Variants in DNAH10 observed in about 807,000 individuals in gnomAD.
DNAH10 encodes the protein axonemal beta dynein heavy chain 10.
Under a neutral mutation model 506.6 loss-of-function variants are expected in DNAH10, and 348 were observed. The observed-to-expected ratio is 0.69, with a 90% CI of 0.63 to 0.75. The LOEUF (loss-of-function observed/expected upper bound fraction) is 0.75, where lower values mean the gene tolerates loss of function less well. DNAH10 is among the 30% of genes least tolerant of loss of function. DNAH10 has a pLI of 0.00. For synonymous variants in DNAH10, 2,059 were observed against 2,198.6 expected (o/e 0.94, Z 1.78); for missense variants, 5,179 against 5,787.1 (o/e 0.89, Z 3.41).
chr12:123,826,309 A>G (rs2136459084), intron 24 of DNAH10, among the ~76,000 whole-genome samples: 1 of 152,290 alleles, frequency 6.6e-6, no homozygotes, highest in African/African-American at 2.4e-5. Flanking sequence ...AGCTGCTTTC[A>G]TCAGGGAAAA....
intron 21 of DNAH10, among the ~76,000 whole-genome samples, chr12:123,817,249 T>C (rs1959168956): frequency 6.6e-6 from 1 of 151,830 alleles, no homozygotes; most frequent in South Asian, 2.1e-4. Context: ...ACATTCAAAA[T>C]CTGCAGGCTG....
intron 50 of DNAH10, 106 bp downstream of exon 50, chr12:123,879,907 T>G: frequency 1.5e-6 from 2 of 1,293,522 alleles, no homozygotes; most frequent in Non-Finnish European, 2.1e-6. Context: ...CCTGGGGCTC[T>G]GTCTGAGGGC....
At position 123,845,875 on chromosome 12, in the gene DNAH10, C is replaced by T; in HGVS notation, c.5630+6C>T. The T allele has an allele frequency of 6.2e-7, 1 of 1,613,390 alleles. No homozygotes were observed. Among genetic ancestry groups the T allele is most frequent in the Non-Finnish European group, 8.5e-7 (1 of 1,179,332 alleles). Reference sequence around the variant, plus strand: ...GATTCTTTCATAAGAGGCAGGTGAGCATTTTCCGGGGTCACTGGCATTTCA... The same window carrying T: ...GATTCTTTCATAAGAGGCAGGTGAGTATTTTCCGGGGTCACTGGCATTTCA... On this transcript the variant is annotated splice_donor_region_variant and intron_variant, in intron 31 of 78. Coordinates refer to ENST00000673944, the MANE Select transcript of DNAH10 (RefSeq NM_001372106.1).
intron 29 of DNAH10, among the ~76,000 whole-genome samples, chr12:123,838,906 C>T (rs142411680): frequency 0.012 from 1,847 of 152,226 alleles, 42 homozygotes; most frequent in African/African-American, 0.043. Context: ...TCCACCTCCC[C>T]GACTCAAGTG....
chr12:123,767,905 A>G (rs1165027629), intron 2 of DNAH10, among the ~76,000 whole-genome samples: 1 of 152,184 alleles, frequency 6.6e-6, no homozygotes, highest in Non-Finnish European at 1.5e-5. Flanking sequence ...ACACAGATGT[A>G]TTCTCTCACA....
At chr12:123,783,046 G>C (rs1467153432) in intron 6 of DNAH10, 61 bp from the exon 7 acceptor site, 3 of 1,564,112 alleles carry the variant, frequency 1.9e-6, no homozygotes, top group Non-Finnish European at 2.6e-6. Flanking sequence ...GAACTTGAAT[G>C]TTTCTCTTTG....
chr12:123,898,092 G>A (rs1205141053), intron 55 of DNAH10, 125 bp downstream of exon 55: 2 of 926,802 alleles, frequency 2.2e-6, no homozygotes, highest in Non-Finnish European at 3.1e-6. Flanking sequence ...AGCACATCTT[G>A]GATTTTGTGT....
Position 123,850,856 on chromosome 12 carries a change from TG to T in DNAH10, c.6103-31del. Reference sequence around the variant, plus strand: ...GGGCTGGCCGGCCGGGCCACCTAACTGCTTCTTTCTTTCTTCCTTCTTGCCC... The same window carrying T: ...GGGCTGGCCGGCCGGGCCACCTAACTCTTCTTTCTTTCTTCCTTCTTGCCC... On this transcript the variant is annotated intron_variant, in intron 34 of 78. Coordinates refer to ENST00000673944, the MANE Select transcript of DNAH10 (RefSeq NM_001372106.1). This position sits in a 1 kb window ranked among gnomAD's most constrained non-coding sequence, Gnocchi z 5.5. The T allele has an allele frequency of 6.3e-7, 1 of 1,585,372 alleles. No homozygotes were observed. The highest frequency in any genetic ancestry group is 8.6e-7 in the Non-Finnish European group (1 of 1,163,278).
Position 123,914,533 on chromosome 12 carries a change from T to A in DNAH10, c.10557T>A (p.Asp3519Glu), listed in dbSNP as rs747090916. 1 of 1,613,082 alleles carries A rather than the reference T, an allele frequency of 6.2e-7. No individual in the cohort carries two copies. Among genetic ancestry groups the A allele is most frequent in the Non-Finnish European group, 8.5e-7 (1 of 1,179,708 alleles). ...TCCGGCTGGAAAGCCTGCTCACGGATGATGTTGAGATCAGCAGGTGTGTGG... is the reference window on the plus strand; with the variant it reads ...TCCGGCTGGAAAGCCTGCTCACGGAAGATGTTGAGATCAGCAGGTGTGTGG... ...QPFRLESLLT[D>E]DVEISRWGSQ... Residue 3519 changes from aspartate (D) to glutamate (E), a missense_variant, in exon 61 of 79, where the codon GAT (aspartate) becomes GAA (glutamate). By Grantham distance (45) the Asp-to-Glu change is conservative. This residue lies in a region of DNAH10 where 4,844 missense variants were observed against 5,430.5 expected (regional missense o/e 0.89). Coordinates refer to ENST00000673944, the MANE Select transcript of DNAH10 (RefSeq NM_001372106.1).
At position 123,800,407 on chromosome 12, in the gene DNAH10, TA is replaced by T; in HGVS notation, c.2462+22del. ...TCCTTAGGTAAAAAAATTCTTCTTT[TA>T]AATTAGCAGTAAGCTTTTTGTTCTT... is the stretch of plus-strand genomic sequence containing the variant. On this transcript the variant is annotated intron_variant, in intron 15 of 78. Transcript: ENST00000673944. 2.5e-6 allele frequency: 4 copies of T among 1,608,888 alleles called. No individual in the cohort carries two copies. The highest frequency in any genetic ancestry group is 3.4e-6 in the Non-Finnish European group (4 of 1,178,414).
At chr12:123,886,480 C>CGT (rs60439290) in intron 51 of DNAH10, among the ~76,000 whole-genome samples, 76,657 of 151,664 alleles carry the variant, frequency 0.51, 19,987 homozygotes, top group Non-Finnish European at 0.58. Flanking sequence ...CGCGCGCGCG[C>CGT]GTGTGTGTGC....
chr12:123,922,702 T>A (rs1195345296), intron 65 of DNAH10, among the ~76,000 whole-genome samples: 1 of 152,214 alleles, frequency 6.6e-6, no homozygotes, highest in East Asian at 1.9e-4. Context: ...CCCCTTGGCT[T>A]GTAGGAGGCT....
chr12:123,831,335 C>G (rs1196626701), intron 26 of DNAH10, among the ~76,000 whole-genome samples: 1 of 151,724 alleles, frequency 6.6e-6, no homozygotes, highest in Non-Finnish European at 1.5e-5. Flanking sequence ...CACTAACATA[C>G]ACGTACACAG....
intron 24 of DNAH10, among the ~76,000 whole-genome samples, chr12:123,821,466 G>A (rs1959395723): frequency 6.6e-6 from 1 of 152,126 alleles, no homozygotes; most frequent in South Asian, 2.1e-4. Context: ...AAGCAGTTGG[G>A]ACTACAGAGG....
chr12:123,895,807 T>C (rs956986857), intron 54 of DNAH10, among the ~76,000 whole-genome samples: 2 of 152,080 alleles, frequency 1.3e-5, no homozygotes, highest in Non-Finnish European at 2.9e-5. Flanking sequence ...AGAACTTTTT[T>C]GTCCTTAGAA....
intron 29 of DNAH10, among the ~76,000 whole-genome samples, chr12:123,840,537 T>A (rs1950737673): frequency 6.6e-6 from 1 of 151,442 alleles, no homozygotes; most frequent in African/African-American, 2.4e-5. Flanking sequence ...CCCAAAGTGG[T>A]GGGATTACAG....
chr12:123,874,519 C>T lies in DNAH10; in HGVS notation c.7939-712C>T, dbSNP rs78137808. On this transcript the variant is annotated intron_variant, in intron 46 of 78. Transcript: ENST00000673944. ...TCTACCTGTCCATTTATCCATCTAC[C>T]CGTCCATTTATCCATCTACCCATCT... 4.7e-3 allele frequency among the ~76,000 whole-genome samples: 717 copies of T among 151,708 alleles called. 5 individuals carry two copies. Among genetic ancestry groups the T allele is most frequent in the African/African-American group, 0.017 (682 of 41,324 alleles).
At position 123,853,814 on chromosome 12, in the gene DNAH10, GCA is replaced by G. The variant is rs1369381566; in HGVS notation, c.6438+468_6438+469del. 2.6e-5 allele frequency among the ~76,000 whole-genome samples: 4 copies of G among 151,740 alleles called. No homozygotes were observed. The East Asian group carries it at 7.8e-4, about 29-fold the overall frequency. ...CTAGTGACTGTACTCAATGTTGCAC[GCA>G]CACACGCACGCACACACACGCACAC... On this transcript the variant is annotated intron_variant, in intron 36 of 78. Coordinates refer to ENST00000673944, the MANE Select transcript of DNAH10 (RefSeq NM_001372106.1). The surrounding 1 kb of genome is among the most constrained non-coding windows in gnomAD (Gnocchi z 4.7).
intron 26 of DNAH10, among the ~76,000 whole-genome samples, chr12:123,832,481 A>G (rs1223802094): frequency 6.6e-6 from 1 of 152,188 alleles, no homozygotes; most frequent in Non-Finnish European, 1.5e-5. Context: ...ACATGTACGT[A>G]TGTATACACA....
Sources: allele counts gnomAD v4.1 joint callset (sites outside exome capture counted in the v4.1 genomes callset), GRCh38; gene constraint gnomAD v4.1.1; regional missense constraint gnomAD v4.1.1; non-coding constraint Gnocchi (gnomAD v3.1); transcripts MANE v1.5; gene names NCBI Gene and HGNC (gene_info 2026-07-23, HGNC 2026-07-21).